The following HNF1B variants were observed in gnomAD, a reference collection of about 807,000 sequenced individuals.
The protein encoded by HNF1B is hepatocyte nuclear factor 1-beta.
Under a neutral mutation model 61.7 loss-of-function variants are expected in HNF1B, and 8 were observed. That is an observed-to-expected ratio of 0.13 (90% CI 0.08 to 0.23). The LOEUF (loss-of-function observed/expected upper bound fraction) is 0.23. Ranked by LOEUF, HNF1B falls within the 10% of genes least tolerant of loss-of-function variation. HNF1B has a pLI of 1.00. For missense variants in HNF1B, 562 were observed against 714.5 expected (o/e 0.79, Z 2.43); for synonymous variants, 314 against 287.7 (o/e 1.09, Z -0.93).
intron 1 of HNF1B, among the ~76,000 whole-genome samples, chr17:37,740,636 T>TA (rs536912372): frequency 0.07 from 10,124 of 144,702 alleles, 430 homozygotes; most frequent in Middle Eastern, 0.22. Flanking sequence ...GGCAAGTAGT[T>TA]AAAAAAAAAA....
In HNF1B at chr17:37,744,735, A is replaced by C. The variant is rs2034119944; in HGVS notation, c.150T>G (p.Pro50=). 1 of 1,613,412 alleles carries C rather than the reference A, an allele frequency of 6.2e-7. No homozygotes were observed. Among genetic ancestry groups the C allele is most frequent in the East Asian group, 2.2e-5 (1 of 44,880 alleles). The change falls in exon 1 of 9, where the codon CCT becomes CCG. Residue 50 remains proline, a synonymous_variant. Transcript: ENST00000617811. ...GVKLETLPLS[P]GSGAEPDTKP... is the part of the protein sequence containing the mutation. ...TGGTGTCGGGCTCGGCCCCGCTGCC[A>C]GGGGACAGGGGCAGCGTCTCCAGCT...
At chr17:37,704,738 A>C (rs779450579) in intron 6 of HNF1B, among the ~76,000 whole-genome samples, 179 bp downstream of exon 6, 23 of 152,182 alleles carry the variant, frequency 1.5e-4, no homozygotes, top group Non-Finnish European at 2.8e-4. Flanking sequence ...CTCTTGTTTT[A>C]GGCTAAACAA....
intron 4 of HNF1B, among the ~76,000 whole-genome samples, chr17:37,720,062 GTGTTGGGCACTGAGA>G (rs1250450727): frequency 4.6e-5 from 7 of 152,152 alleles, no homozygotes; most frequent in Non-Finnish European, 8.8e-5. Context: ...GCAACACCAG[GTGTTGGGCACTGAGA>G]TAGGAGCACC....
intron 4 of HNF1B, among the ~76,000 whole-genome samples, chr17:37,711,639 G>A (rs1032404093): frequency 6.6e-6 from 1 of 152,188 alleles, no homozygotes; most frequent in Non-Finnish European, 1.5e-5. Flanking sequence ...GACAAGGTTG[G>A]GGGTACATGG....
chr17:37,744,890 A>C lies in HNF1B; in HGVS notation c.-6T>G, dbSNP rs776219439. On this transcript the variant is annotated 5_prime_UTR_variant, in exon 1 of 9. Coordinates refer to ENST00000617811, the MANE Select transcript of HNF1B (RefSeq NM_000458.4). ...GACGTGAGCTTGGACACCATTTTCCAAGGACGGAAAAAGAAGGGGGTGAGG... is the reference window on the plus strand; with the variant it reads ...GACGTGAGCTTGGACACCATTTTCCCAGGACGGAAAAAGAAGGGGGTGAGG... The C allele has an allele frequency of 1.2e-5, 17 of 1,411,212 alleles. No homozygotes were observed. In the African/African-American group the frequency reaches 2.0e-4, roughly 17 times the overall value. The allele number at this position is 1,411,212 out of a possible 1,614,324, so 87.4% of individuals were successfully genotyped here. A position where few individuals can be genotyped will look rare whatever the true frequency, so the allele number is the denominator to read the frequency against.
chr17:37,735,763 C>T (rs1184891756), intron 2 of HNF1B, among the ~76,000 whole-genome samples: 1 of 152,194 alleles, frequency 6.6e-6, no homozygotes, highest in African/African-American at 2.4e-5. Context: ...GGGGGTTATA[C>T]TTTTTCTTTT....
At chr17:37,721,298 G>A (rs1434476518) in intron 4 of HNF1B, among the ~76,000 whole-genome samples, 3 of 152,202 alleles carry the variant, frequency 2.0e-5, no homozygotes, top group Non-Finnish European at 4.4e-5. Context: ...ACAGCACACA[G>A]TTCCTGAAAC....
intron 2 of HNF1B, among the ~76,000 whole-genome samples, chr17:37,738,995 T>C (rs1488781524): frequency 6.6e-6 from 1 of 152,228 alleles, no homozygotes; most frequent in Non-Finnish European, 1.5e-5. Flanking sequence ...CTATTGTTGA[T>C]ACTTTTTCCA....
intron 2 of HNF1B, among the ~76,000 whole-genome samples, chr17:37,737,145 C>G (rs555371316): frequency 6.4e-4 from 98 of 152,294 alleles, no homozygotes; most frequent in African/African-American, 2.2e-3. Flanking sequence ...TCTCTCCCCT[C>G]TTCCTCCTTC....
chr17:37,689,392 G>A (rs1371179420), intron 8 of HNF1B, among the ~76,000 whole-genome samples: 2 of 152,210 alleles, frequency 1.3e-5, no homozygotes, highest in African/African-American at 4.8e-5. Context: ...GGTTTCAAAA[G>A]AAGAGCAAAC....
At chr17:37,736,442 A>G (rs2033835380) in intron 2 of HNF1B, among the ~76,000 whole-genome samples, 2 of 152,118 alleles carry the variant, frequency 1.3e-5, no homozygotes. Flanking sequence ...AGCCACCTCC[A>G]TTTTACAGAT....
Position 37,744,747 on chromosome 17 carries a change from C to T in HNF1B, c.138G>A (p.Leu46=). The T allele has an allele frequency of 1.2e-6, 2 of 1,613,520 alleles. No individual in the cohort carries two copies. The change falls in exon 1 of 9, where the codon CTG becomes CTA. Residue 46 remains leucine, a synonymous_variant. Coordinates refer to ENST00000617811, the MANE Select transcript of HNF1B (RefSeq NM_000458.4). The part of the protein sequence containing the change: ...SPNFGVKLET[L]PLSPGSGAEP... ...CGGCCCCGCTGCCAGGGGACAGGGG[C>T]AGCGTCTCCAGCTTCACCCCGAAGT...
At chr17:37,720,916 G>T (rs1050343197) in intron 4 of HNF1B, 1 of 985,232 alleles carries the variant, frequency 1.0e-6, no homozygotes, top group African/African-American at 1.7e-5. Flanking sequence ...AAGAACGGCC[G>T]CTCATTTCTG....
intron 4 of HNF1B, among the ~76,000 whole-genome samples, chr17:37,723,216 G>A (rs1367179545): frequency 5.3e-5 from 8 of 151,832 alleles, no homozygotes; most frequent in African/African-American, 1.2e-4. Context: ...GCGTGGTGGT[G>A]GACGCCTGTA....
intron 4 of HNF1B, among the ~76,000 whole-genome samples, chr17:37,720,086 C>T (rs1483670229): frequency 1.3e-5 from 2 of 152,148 alleles, no homozygotes; most frequent in African/African-American, 4.8e-5. Flanking sequence ...GATAGGAGCA[C>T]CAGCCAAGTG....
chr17:37,686,844 A>C lies in HNF1B; in HGVS notation c.*528T>G. On this transcript the variant is annotated 3_prime_UTR_variant, in exon 9 of 9. Coordinates refer to ENST00000617811, the MANE Select transcript of HNF1B (RefSeq NM_000458.4). ...ACAGGGCAGAGGGGAGAGGACACAGAGGGGAAATTGCACTTAATTACAGTA... is the reference window on the plus strand; with the variant it reads ...ACAGGGCAGAGGGGAGAGGACACAGCGGGGAAATTGCACTTAATTACAGTA... The C allele has an allele frequency of 7.5e-6, 2 of 268,142 alleles. No homozygotes were observed. The highest frequency in any genetic ancestry group is 9.1e-5 in the South Asian group (2 of 22,066). The allele number at this position is 268,142 out of a possible 1,614,324, so 16.6% of individuals were successfully genotyped here.
rs760279499 is a variant in HNF1B at position 37,704,978 on chromosome 17, A to G, written c.1278T>C (p.Asn426=). The change falls in exon 6 of 9, where the codon AAT becomes AAC. Residue 426 remains asparagine, a synonymous_variant. Transcript: ENST00000617811. ...LTNIHSLSHH[N]PQQSQNLIMT... The stretch of plus-strand genomic sequence containing the variant: ...TGATGAGGTTTTGAGATTGCTGGGG[A>G]TTATGGTGGGAGAGGCTGTGGATAT... The G allele has an allele frequency of 2.3e-5, 37 of 1,613,948 alleles. No individual in the cohort carries two copies. The highest frequency in any genetic ancestry group is 3.1e-5 in the Non-Finnish European group (37 of 1,179,952).
At chr17:37,699,462 G>C (rs918741231) in intron 7 of HNF1B, among the ~76,000 whole-genome samples, 1 of 152,338 alleles carries the variant, frequency 6.6e-6, no homozygotes, top group Non-Finnish European at 1.5e-5. Flanking sequence ...CCTCCGGTAC[G>C]GAACGGGAGC....
intron 4 of HNF1B, chr17:37,731,391 A>C: frequency 1.5e-6 from 1 of 682,772 alleles, no homozygotes; most frequent in East Asian, 2.7e-5. Flanking sequence ...GAGCCCTCAC[A>C]GGGCAATGGC....
Sources: allele counts gnomAD v4.1 joint callset (sites outside exome capture counted in the v4.1 genomes callset), GRCh38; gene constraint gnomAD v4.1.1; transcripts MANE v1.5; gene names NCBI Gene and HGNC (gene_info 2026-07-23, HGNC 2026-07-21).